The following GALNTL6 variants were observed in gnomAD, a reference collection of about 807,000 sequenced individuals.
The protein encoded by GALNTL6 is polypeptide N-acetylgalactosaminyltransferase-like 6.
A neutral mutation model predicts 73.7 loss-of-function variants in GALNTL6; 46 were observed. The observed-to-expected ratio is 0.62, with a 90% CI of 0.49 to 0.80. GALNTL6 has a LOEUF of 0.80. GALNTL6 is among the 30% of genes least tolerant of loss of function. The pLI is 0.00. For missense variants in GALNTL6, 604 were observed against 755.0 expected (o/e 0.80, Z 2.34); for synonymous variants, 259 against 263.7 (o/e 0.98, Z 0.17).
chr4:172,297,071 G>A (rs1739707541), intron 3 of GALNTL6, among the ~76,000 whole-genome samples: 1 of 152,076 alleles, frequency 6.6e-6, no homozygotes, highest in Non-Finnish European at 1.5e-5. Flanking sequence ...GGTGTGAGAT[G>A]GTATCTCGTG....
intron 2 of GALNTL6, among the ~76,000 whole-genome samples, chr4:172,151,504 A>G (rs1734085992): frequency 6.6e-6 from 1 of 152,224 alleles, no homozygotes; most frequent in African/African-American, 2.4e-5. Flanking sequence ...AGATTTACAC[A>G]TGAAGACTTT....
intron 4 of GALNTL6, among the ~76,000 whole-genome samples, chr4:172,329,712 C>A (rs571700357): frequency 6.6e-6 from 1 of 152,278 alleles, no homozygotes; most frequent in South Asian, 2.1e-4. Flanking sequence ...CCTCAGACCC[C>A]CTAGAGCCCG....
Position 172,846,922 on chromosome 4 carries a change from T to G in GALNTL6, c.923+33199T>G, listed in dbSNP as rs540732093. Among the ~76,000 whole-genome samples the G allele has an allele frequency of 3.7e-3, 563 of 152,256 alleles. 8 individuals are homozygous for G. The highest frequency in any genetic ancestry group is 4.4e-3 in the Admixed American group (67 of 15,292). Reference sequence around the variant, plus strand: ...ATTCTGTCATACAATATATCAAATTTTTTCTTTGTTTCTTTCTCTCGTCCT... The same window carrying G: ...ATTCTGTCATACAATATATCAAATTGTTTCTTTGTTTCTTTCTCTCGTCCT... On this transcript the variant is annotated intron_variant, in intron 7 of 12. Coordinates refer to ENST00000506823, the MANE Select transcript of GALNTL6 (RefSeq NM_001034845.3).
At chr4:171,905,850 C>T (rs1323288464) in intron 2 of GALNTL6, among the ~76,000 whole-genome samples, 13 of 150,956 alleles carry the variant, frequency 8.6e-5, no homozygotes, top group African/African-American at 7.3e-5. Context: ...CACTCAAAAC[C>T]GCTCAACTAC....
chr4:173,017,014 C>A (rs1047302952), intron 11 of GALNTL6, among the ~76,000 whole-genome samples: 5 of 152,014 alleles, frequency 3.3e-5, no homozygotes, highest in Non-Finnish European at 7.4e-5. Context: ...GGGGCTTTTC[C>A]CCCTTTTGCT....
At chr4:171,974,708 T>C (rs1739668862) in intron 2 of GALNTL6, among the ~76,000 whole-genome samples, 1 of 152,086 alleles carries the variant, frequency 6.6e-6, no homozygotes, top group South Asian at 2.1e-4. Flanking sequence ...TACTTAAGCA[T>C]ACATTTAAGC....
At chr4:172,695,975 C>T (rs1039593228) in intron 5 of GALNTL6, among the ~76,000 whole-genome samples, 1 of 152,008 alleles carries the variant, frequency 6.6e-6, no homozygotes, top group African/African-American at 2.4e-5. Context: ...AAATTGTAAT[C>T]TTGGAAAATC....
chr4:172,547,090 A>G (rs1193314085), intron 5 of GALNTL6, among the ~76,000 whole-genome samples: 1 of 151,930 alleles, frequency 6.6e-6, no homozygotes, highest in Non-Finnish European at 1.5e-5. Context: ...TATTATAGGA[A>G]AGTCATCTGT....
At chr4:172,460,870 T>C (rs1257253366) in intron 5 of GALNTL6, among the ~76,000 whole-genome samples, 1 of 152,228 alleles carries the variant, frequency 6.6e-6, no homozygotes, top group Non-Finnish European at 1.5e-5. Flanking sequence ...TTACTGGGTA[T>C]ATACCCAAAG....
chr4:172,415,459 A>G (rs1397916393), intron 5 of GALNTL6, among the ~76,000 whole-genome samples: 1 of 152,164 alleles, frequency 6.6e-6, no homozygotes, highest in Non-Finnish European at 1.5e-5. Context: ...TTGTGATGCC[A>G]TGCAGCTCTG....
chr4:172,048,273 A>C (rs532166447), intron 2 of GALNTL6, among the ~76,000 whole-genome samples: 1 of 152,210 alleles, frequency 6.6e-6, no homozygotes, highest in South Asian at 2.1e-4. Context: ...CAAAAGAAGC[A>C]CAGAAGAAGA....
In GALNTL6 at chr4:172,627,946, A is replaced by AG. The variant is rs964612439; in HGVS notation, c.554-181415_554-181414insG. On this transcript the variant is annotated intron_variant, in intron 5 of 12. Transcript: ENST00000506823. The stretch of plus-strand genomic sequence containing the variant: ...GATCTTGTTTATCCTTTCAAAAAAA[A>AG]AACTACTTTTGGTTTTGGTGATTCT... Among the ~76,000 whole-genome samples the AG allele has an allele frequency of 8.6e-5, 13 of 151,794 alleles. No individual in the cohort carries two copies. The South Asian group carries it at 1.9e-3, about 22-fold the overall frequency.
At chr4:172,848,159 A>G (rs1216708522) in intron 7 of GALNTL6, among the ~76,000 whole-genome samples, 1 of 152,188 alleles carries the variant, frequency 6.6e-6, no homozygotes, top group East Asian at 1.9e-4. Context: ...AATCATCTCA[A>G]AAGTTATGAC....
chr4:172,379,955 A>C, intron 5 of GALNTL6: 1 of 725,936 alleles, frequency 1.4e-6, no homozygotes. Context: ...GACCTTGTCC[A>C]TTAAATGTAA....
chr4:172,048,457 C>G (rs1476528685), intron 2 of GALNTL6, among the ~76,000 whole-genome samples: 3 of 152,100 alleles, frequency 2.0e-5, no homozygotes, highest in Non-Finnish European at 4.4e-5. Context: ...ATCTGCTAAT[C>G]TAAGCCATTT....
chr4:172,934,416 T>C (rs1306578374), intron 9 of GALNTL6, among the ~76,000 whole-genome samples: 2 of 151,926 alleles, frequency 1.3e-5, no homozygotes, highest in African/African-American at 4.8e-5. Context: ...AACTATAAGG[T>C]TTTTTTCATT....
At chr4:172,653,483 A>G (rs1740592769) in intron 5 of GALNTL6, among the ~76,000 whole-genome samples, 1 of 152,036 alleles carries the variant, frequency 6.6e-6, no homozygotes, top group Non-Finnish European at 1.5e-5. Context: ...GGCCTCCCAA[A>G]GTGCTGGGAT....
intron 2 of GALNTL6, among the ~76,000 whole-genome samples, chr4:171,916,277 G>T (rs1737624729): frequency 6.6e-6 from 1 of 151,770 alleles, no homozygotes; most frequent in African/African-American, 2.4e-5. Flanking sequence ...CAAATACTTT[G>T]CAGACTTAGT....
intron 3 of GALNTL6, among the ~76,000 whole-genome samples, chr4:172,310,025 A>G (rs912562482): frequency 1.1e-4 from 16 of 152,122 alleles, no homozygotes; most frequent in Non-Finnish European, 1.2e-4. Flanking sequence ...TAATCTAAAA[A>G]ACAAAATCCA....
Sources: gnomAD v4.1 joint callset for allele counts (sites outside exome capture counted in the v4.1 genomes callset) on GRCh38, gnomAD v4.1.1 for gene constraint, MANE v1.5 for transcripts, NCBI Gene and HGNC (gene_info 2026-07-23, HGNC 2026-07-21) for gene names.